The following PISD variants were observed in gnomAD, a reference collection of about 807,000 sequenced individuals.
The protein encoded by PISD is phosphatidylserine decarboxylase.
Under a neutral mutation model 43.5 loss-of-function variants are expected in PISD, and 31 were observed. The ratio of observed to expected loss-of-function variants is 0.71; its 90% CI spans 0.54 to 0.96. The LOEUF is 0.96. Ranked by LOEUF, PISD falls within the 40% of genes least tolerant of loss-of-function variation. PISD has a pLI of 0.00. For synonymous variants in PISD, 259 were observed against 228.7 expected (o/e 1.13, Z -1.20); for missense variants, 523 against 548.4 (o/e 0.95, Z 0.46).
intron 3 of PISD, among the ~76,000 whole-genome samples, chr22:31,631,966 G>C (rs937624789): frequency 1.3e-5 from 2 of 152,144 alleles, no homozygotes; most frequent in Non-Finnish European, 2.9e-5. Flanking sequence ...TAGCACTTTG[G>C]GAGGCCAAGG....
chr22:31,642,128 A>AC (rs2073750178), intron 3 of PISD, among the ~76,000 whole-genome samples: 2 of 151,178 alleles, frequency 1.3e-5, no homozygotes, highest in South Asian at 4.1e-4. Flanking sequence ...CTCAGTGGCA[A>AC]CCAGAGACTT....
chr22:31,643,446 A>G (rs2073794525), intron 3 of PISD, among the ~76,000 whole-genome samples: 1 of 152,158 alleles, frequency 6.6e-6, no homozygotes, highest in Non-Finnish European at 1.5e-5. Context: ...AGACTTAAAT[A>G]TAAAACTACC....
At chr22:31,628,284 C>CTTGGG in intron 3 of PISD, 1 of 723,528 alleles carries the variant, frequency 1.4e-6, no homozygotes, top group Non-Finnish European at 1.7e-6. Flanking sequence ...CTTCCTTGGC[C>CTTGGG]AGCAGTGTTT....
At chr22:31,636,639 A>AAG (rs2073447650) in intron 3 of PISD, among the ~76,000 whole-genome samples, 1 of 151,988 alleles carries the variant, frequency 6.6e-6, no homozygotes, top group African/African-American at 2.4e-5. Flanking sequence ...TCCCAGGTTC[A>AAG]CACCATTCTC....
chr22:31,621,533 GC>G, intron 4 of PISD, 61 bp from the exon 5 acceptor site: 1 of 1,604,128 alleles, frequency 6.2e-7, no homozygotes, highest in Non-Finnish European at 8.5e-7. Flanking sequence ...CCAGGAGACA[GC>G]CCCCACCTCC....
chr22:31,647,767 C>T (rs2073924637), intron 3 of PISD, among the ~76,000 whole-genome samples: 1 of 152,206 alleles, frequency 6.6e-6, no homozygotes, highest in African/African-American at 2.4e-5. Context: ...ATCACAAAAG[C>T]TCAATAGTTT....
In PISD at chr22:31,623,773, G is replaced by A. The variant is rs751538096; in HGVS notation, c.322-1888C>T. The A allele has an allele frequency of 3.0e-5, 48 of 1,614,024 alleles. No homozygotes were observed. The highest frequency in any genetic ancestry group is 2.9e-5 in the Non-Finnish European group (34 of 1,179,990). Reference sequence around the variant, plus strand: ...TAGAGGACGGTCAAGGGCCAGGAGCGCAGTTTCAGAGCGGGTCTGGACATG... The same window carrying A: ...TAGAGGACGGTCAAGGGCCAGGAGCACAGTTTCAGAGCGGGTCTGGACATG... On this transcript the variant is annotated intron_variant, in intron 3 of 7. Transcript: ENST00000439502.
chr22:31,639,645 ATTTT>A (rs1300153756), intron 3 of PISD, among the ~76,000 whole-genome samples: 2 of 150,870 alleles, frequency 1.3e-5, no homozygotes, highest in Non-Finnish European at 2.9e-5. Context: ...TTGCTGAATG[ATTTT>A]TTTTATGACT....
Position 31,619,752 on chromosome 22 carries a change from G to T in PISD, c.1090C>A (p.Pro364Thr), listed in dbSNP as rs753906406. 1 of 1,614,026 alleles carries T rather than the reference G, an allele frequency of 6.2e-7. No homozygotes were observed. Among genetic ancestry groups the T allele is most frequent in the Non-Finnish European group, 8.5e-7 (1 of 1,179,952 alleles). The change falls in exon 8 of 8, where the codon CCC becomes ACC. Residue 364 changes from proline (P) to threonine (T), a missense_variant. Coordinates refer to ENST00000439502, the MANE Select transcript of PISD (RefSeq NM_001326411.2). ...FVTHTNREGV[P>T]MRKGEHLGEF... is the part of the protein sequence containing the mutation. ...CCCAGGTGCTCGCCCTTACGCATGG[G>T]GACGCCCTCTCTATTGGTGTGCGTC...
chr22:31,621,865 C>T lies in PISD; in HGVS notation c.342G>A (p.Val114=), dbSNP rs1569481427. ...AGGCCCGTGACAGCAAGCGCGTTGG[C>T]ACTGACTTGTACAAAGCCACCTGCA... ...GHWEVALYKS[V]PTRLLSRAWG... is the part of the protein sequence containing the mutation. The change falls in exon 4 of 8, where the codon GTG becomes GTA. Residue 114 remains valine (V), a synonymous_variant. Coordinates refer to ENST00000439502, the MANE Select transcript of PISD (RefSeq NM_001326411.2). 1 of 1,609,372 alleles carries T rather than the reference C, an allele frequency of 6.2e-7. No individual in the cohort carries two copies. Among genetic ancestry groups the T allele is most frequent in the Non-Finnish European group, 8.5e-7 (1 of 1,179,980 alleles).
intron 1 of PISD, among the ~76,000 whole-genome samples, chr22:31,657,379 C>G (rs2074209227): frequency 6.6e-6 from 1 of 152,178 alleles, no homozygotes; most frequent in South Asian, 2.1e-4. Flanking sequence ...TCGTGATCCA[C>G]CCGCCTCAGC....
intron 5 of PISD, 60 bp from the exon 6 acceptor site, chr22:31,621,202 G>A (rs2072547523): frequency 1.4e-5 from 23 of 1,612,458 alleles, no homozygotes; most frequent in Admixed American, 3.3e-5. Context: ...CACGGAGCCC[G>A]AGTGTGGTCT....
intron 2 of PISD, among the ~76,000 whole-genome samples, chr22:31,650,394 C>T (rs1303515843): frequency 6.6e-6 from 1 of 151,910 alleles, no homozygotes; most frequent in Non-Finnish European, 1.5e-5. Context: ...TAAAAATTAG[C>T]CAGGCGTGGT....
intron 3 of PISD, among the ~76,000 whole-genome samples, chr22:31,627,007 T>C (rs2072943421): frequency 6.6e-6 from 1 of 152,208 alleles, no homozygotes; most frequent in Admixed American, 6.5e-5. Context: ...CAGACATCGC[T>C]GTGGTCGCGC....
At chr22:31,623,901 G>C (rs778757474) in intron 3 of PISD, 2 of 1,536,142 alleles carry the variant, frequency 1.3e-6, no homozygotes, top group Non-Finnish European at 1.8e-6. Flanking sequence ...GCTCTGGGCA[G>C]GACCCAGGAG....
In PISD at chr22:31,618,711, A is replaced by C; in HGVS notation, c.*901T>G. The C allele has an allele frequency of 3.5e-6, 1 of 286,874 alleles. No individual in the cohort carries two copies. Among genetic ancestry groups the C allele is most frequent in the East Asian group, 6.0e-5 (1 of 16,572 alleles). The allele number at this position is 286,874 out of a possible 1,614,324, so 17.8% of individuals were successfully genotyped here. On this transcript the variant is annotated 3_prime_UTR_variant, in exon 8 of 8. Coordinates refer to ENST00000439502, the MANE Select transcript of PISD (RefSeq NM_001326411.2). The stretch of plus-strand genomic sequence containing the variant: ...CTCCCCAGGCCTGCGTTCCTGATAA[A>C]CTGGGACAGGTTTTCCAGGCACTGA...
At chr22:31,620,884 C>A in intron 6 of PISD, 112 bp downstream of exon 6, 1 of 1,405,760 alleles carries the variant, frequency 7.1e-7, no homozygotes. Flanking sequence ...AAGCAGTCAA[C>A]TCCTGGCCTC....
At chr22:31,634,416 C>T (rs932318039) in intron 3 of PISD, among the ~76,000 whole-genome samples, 1 of 152,222 alleles carries the variant, frequency 6.6e-6, no homozygotes, top group African/African-American at 2.4e-5. Context: ...CTTTGAGAAT[C>T]GTTTTTGGCA....
At chr22:31,657,142 G>C (rs2074201961) in intron 1 of PISD, among the ~76,000 whole-genome samples, 1 of 152,012 alleles carries the variant, frequency 6.6e-6, no homozygotes, top group African/African-American at 2.4e-5. Context: ...TTAGTGTTTT[G>C]TTTTGTTTTT....
Sources: allele counts gnomAD v4.1 joint callset (sites outside exome capture counted in the v4.1 genomes callset), GRCh38; gene constraint gnomAD v4.1.1; transcripts MANE v1.5; gene names NCBI Gene and HGNC (gene_info 2026-07-23, HGNC 2026-07-21).